The following NCKAP5 variants were observed in gnomAD, a reference collection of about 807,000 sequenced individuals.
The protein encoded by NCKAP5 is nck-associated protein 5.
Under a neutral mutation model 167.0 loss-of-function variants are expected in NCKAP5, and 92 were observed. That is an observed-to-expected ratio of 0.55 (90% CI 0.47 to 0.66). The LOEUF is 0.66. Ranked by LOEUF, NCKAP5 falls within the 30% of genes least tolerant of loss-of-function variation. NCKAP5 has a pLI of 0.00. For synonymous variants in NCKAP5, 891 were observed against 877.4 expected (o/e 1.02, Z -0.27); for missense variants, 2,378 against 2,315.0 (o/e 1.03, Z -0.56).
the NCKAP5 span, among the ~76,000 whole-genome samples, chr2:133,605,141 A>G: frequency 6.6e-6 from 1 of 152,214 alleles, no homozygotes; most frequent in South Asian, 2.1e-4. Flanking sequence ...TCCTTAGCAG[A>G]CAGACACTGT....
intron 2 of NCKAP5, chr2:133,554,480 T>G (rs1687597818): frequency 6.6e-6 from 1 of 152,216 alleles, no homozygotes; most frequent in African/African-American, 2.4e-5. Context: ...CATGTCAATT[T>G]GGCTCTGAGC....
chr2:132,796,853 T>G (rs1431955309), intron 11 of NCKAP5, 124 bp from the exon 12 acceptor site: 1 of 653,206 alleles, frequency 1.5e-6, no homozygotes, highest in Non-Finnish European at 2.6e-6. Context: ...ATGTCCTAAT[T>G]AAAAAAAGTT....
At chr2:132,743,989 C>T (rs2105612938) in intron 16 of NCKAP5, among the ~76,000 whole-genome samples, 1 of 151,704 alleles carries the variant, frequency 6.6e-6, no homozygotes, top group South Asian at 2.1e-4. Flanking sequence ...TTTATCAAGA[C>T]ATTATAATCC....
chr2:132,795,868 A>G (rs1012011478), intron 12 of NCKAP5, among the ~76,000 whole-genome samples: 19 of 145,604 alleles, frequency 1.3e-4, no homozygotes, highest in Admixed American at 7.0e-4. Flanking sequence ...TGAAGCCCAG[A>G]GTTTCATTCT....
At chr2:133,524,440 T>G (rs892956166) in intron 2 of NCKAP5, among the ~76,000 whole-genome samples, 7 of 152,198 alleles carry the variant, frequency 4.6e-5, no homozygotes, top group Non-Finnish European at 7.4e-5. Context: ...TTCTTTTCAT[T>G]AAGAAAACAT....
intron 4 of NCKAP5, among the ~76,000 whole-genome samples, chr2:133,291,547 C>A (rs1679600790): frequency 1.3e-5 from 2 of 152,192 alleles, no homozygotes; most frequent in South Asian, 2.1e-4. Flanking sequence ...GCTTCAGTAC[C>A]TTTAACTTTC....
At chr2:133,175,309 T>A (rs769992038) in intron 5 of NCKAP5, among the ~76,000 whole-genome samples, 1 of 152,194 alleles carries the variant, frequency 6.6e-6, no homozygotes, top group Non-Finnish European at 1.5e-5. Context: ...CCCTAGTTTG[T>A]CTGTTGTCTT....
intron 5 of NCKAP5, among the ~76,000 whole-genome samples, chr2:133,176,678 T>C (rs1023937161): frequency 7.2e-5 from 11 of 152,352 alleles, no homozygotes; most frequent in African/African-American, 2.6e-4. Context: ...AAAGCAACCA[T>C]GGATCCTTTT....
chr2:133,459,533 A>G (rs568848873), intron 3 of NCKAP5, among the ~76,000 whole-genome samples: 29 of 152,296 alleles, frequency 1.9e-4, no homozygotes, highest in African/African-American at 6.7e-4. Flanking sequence ...AATCATACCT[A>G]TGTATAAAGA....
intron 8 of NCKAP5, among the ~76,000 whole-genome samples, chr2:132,940,273 T>A (rs1258310697): frequency 6.6e-6 from 1 of 152,142 alleles, no homozygotes; most frequent in African/African-American, 2.4e-5. Context: ...CCAGGCATAA[T>A]CCCACAGGAT....
intron 5 of NCKAP5, among the ~76,000 whole-genome samples, chr2:133,200,173 C>T (rs1432580581): frequency 6.9e-6 from 1 of 144,852 alleles, no homozygotes; most frequent in Non-Finnish European, 1.5e-5. Flanking sequence ...AGAGAGAACA[C>T]ACACTTCTCA....
chr2:132,747,689 C>A (rs1369292740), intron 16 of NCKAP5, among the ~76,000 whole-genome samples: 16 of 152,122 alleles, frequency 1.1e-4, no homozygotes, highest in Admixed American at 1.0e-3. Flanking sequence ...TGCATTTGAC[C>A]TTCATTACAC....
chr2:133,583,479 A>G, the NCKAP5 span, among the ~76,000 whole-genome samples: 1 of 152,168 alleles, frequency 6.6e-6, no homozygotes, highest in Non-Finnish European at 1.5e-5. Flanking sequence ...GGATTCCTGT[A>G]AGCCCTGCAC....
chr2:133,099,858 A>G (rs554829967), intron 6 of NCKAP5, among the ~76,000 whole-genome samples: 165 of 152,314 alleles, frequency 1.1e-3, no homozygotes, highest in Non-Finnish European at 1.9e-3. Flanking sequence ...CTGCTTTTGC[A>G]CATAAAGTTA....
chr2:133,081,921 A>T (rs552392093), intron 6 of NCKAP5, among the ~76,000 whole-genome samples: 9 of 152,164 alleles, frequency 5.9e-5, no homozygotes. Context: ...GTACATGTGC[A>T]GGTATTTTAT....
chr2:132,963,961 T>C, intron 7 of NCKAP5, 92 bp from the exon 8 acceptor site: 2 of 1,405,600 alleles, frequency 1.4e-6, no homozygotes, highest in Non-Finnish European at 2.0e-6. Flanking sequence ...TTCTCCTGCG[T>C]GTGCATTCTT....
intron 6 of NCKAP5, among the ~76,000 whole-genome samples, chr2:133,006,768 A>T (rs1226503157): frequency 6.6e-6 from 1 of 152,198 alleles, no homozygotes; most frequent in Non-Finnish European, 1.5e-5. Flanking sequence ...GGTGTAAAAG[A>T]AAGGCAAGAA....
At chr2:133,572,476 C>A (rs1688901087), upstream of NCKAP5, among the ~76,000 whole-genome samples, 1 of 152,200 alleles carries the variant, frequency 6.6e-6, no homozygotes, top group African/African-American at 2.4e-5. Flanking sequence ...AGTCCTAGGG[C>A]ATTACTGTGC....
chr2:132,782,752 C>T lies in NCKAP5; in HGVS notation c.4059G>A (p.Gly1353=). ...GHPSSGKGSL[G]SSGSFSSQHG... is the part of the protein sequence containing the mutation. ...GCTGACTGCTGAAGCTGCCTGAGCT[C>T]CCCAGGGAGCCCTTCCCGGAGGAGG... Residue 1353 remains glycine, a synonymous_variant, in exon 14 of 20, where the codon GGG becomes GGA. Transcript: ENST00000409261. 1 of 1,613,918 alleles carries T rather than the reference C, an allele frequency of 6.2e-7. No homozygotes were observed. Among genetic ancestry groups the T allele is most frequent in the Non-Finnish European group, 8.5e-7 (1 of 1,179,852 alleles).
Sources: allele counts gnomAD v4.1 joint callset (sites outside exome capture counted in the v4.1 genomes callset), GRCh38; gene constraint gnomAD v4.1.1; transcripts MANE v1.5; gene names NCBI Gene and HGNC (gene_info 2026-07-23, HGNC 2026-07-21).